Variants in MGAT5 observed in about 807,000 individuals in gnomAD.
The protein encoded by MGAT5 is alpha-1,6-mannosylglycoprotein 6-beta-N-acetylglucosaminyltransferase.
In MGAT5, 30 loss-of-function variants were observed where a neutral mutation model predicts 94.3. That is an observed-to-expected ratio of 0.32 (90% confidence interval 0.24 to 0.43). MGAT5 has a LOEUF of 0.43. Among genes scored for constraint, MGAT5 ranks in the 20% least tolerant of loss-of-function variants. The pLI, the probability that MGAT5 is intolerant of heterozygous loss-of-function variation, is 1.00. For synonymous variants in MGAT5, 310 were observed against 322.9 expected (o/e 0.96, Z 0.43); for missense variants, 691 against 905.5 (o/e 0.76, Z 3.04).
chr2:134,302,177 A>G (rs58894745), intron 2 of MGAT5, among the ~76,000 whole-genome samples: 2,650 of 152,310 alleles, frequency 0.017, 88 homozygotes, highest in African/African-American at 0.06. Context: ...GCATATTCCA[A>G]TAAGACTTTA....
intron 10 of MGAT5, among the ~76,000 whole-genome samples, chr2:134,384,885 G>A (rs1483944611): frequency 5.3e-5 from 8 of 152,082 alleles, no homozygotes; most frequent in Non-Finnish European, 1.0e-4. Flanking sequence ...CTTTAAAAAG[G>A]TCAAATTAGC....
intron 1 of MGAT5, among the ~76,000 whole-genome samples, chr2:134,158,887 C>T (rs2105052874): frequency 6.6e-6 from 1 of 152,306 alleles, no homozygotes; most frequent in Admixed American, 6.5e-5. Flanking sequence ...ACATGATAAC[C>T]ACTAGGCACA....
intron 15 of MGAT5, among the ~76,000 whole-genome samples, chr2:134,444,442 G>A (rs969327936): frequency 1.3e-5 from 2 of 152,102 alleles, no homozygotes; most frequent in South Asian, 2.1e-4. Flanking sequence ...CAATAAAGCC[G>A]TCTGATATTA....
At chr2:134,300,349 A>G (rs1573740150) in intron 2 of MGAT5, among the ~76,000 whole-genome samples, 1 of 152,186 alleles carries the variant, frequency 6.6e-6, no homozygotes, top group Non-Finnish European at 1.5e-5. Context: ...GCCTACAGAC[A>G]GGATTAGGAA....
rs1231267771 is a variant in MGAT5 at position 134,189,592 on chromosome 2, G to GTTTTTTTTTGTTT, written c.-142-64660_-142-64648dup. Reference sequence around the variant, plus strand: ...ACATATGACTAACCTCATGGCTCTAGTTTTTTTTTGTTTTTTTTTTTTTTT... The same window carrying GTTTTTTTTTGTTT: ...ACATATGACTAACCTCATGGCTCTAGTTTTTTTTTGTTTTTTTTTTTTGTTTTTTTTTTTTTTT... On this transcript the variant is annotated intron_variant, in intron 1 of 16. Transcript: ENST00000409645. Among the ~76,000 whole-genome samples, 3 of 56,300 alleles carry GTTTTTTTTTGTTT rather than the reference G, an allele frequency of 5.3e-5. No homozygotes were observed. In the East Asian group the frequency reaches 1.4e-3, roughly 27 times the overall value. 36.9% of individuals were successfully genotyped at this position (56,300 alleles called of 152,430 possible). A position where few individuals can be genotyped will look rare whatever the true frequency, so the allele number is the denominator to read the frequency against.
intron 15 of MGAT5, among the ~76,000 whole-genome samples, chr2:134,443,901 C>T (rs928056253): frequency 6.6e-6 from 1 of 152,136 alleles, no homozygotes; most frequent in Non-Finnish European, 1.5e-5. Context: ...GGAATGGGTC[C>T]AAATGGGACT....
At chr2:134,297,717 C>T (rs1685759606) in intron 2 of MGAT5, among the ~76,000 whole-genome samples, 1 of 152,048 alleles carries the variant, frequency 6.6e-6, no homozygotes, top group Non-Finnish European at 1.5e-5. Context: ...GAAAAACATA[C>T]AGGTTAACAT....
intron 15 of MGAT5, among the ~76,000 whole-genome samples, chr2:134,443,441 C>G (rs1017099617): frequency 1.1e-4 from 16 of 152,216 alleles, no homozygotes; most frequent in African/African-American, 3.4e-4. Flanking sequence ...ATCTGCCCGC[C>G]TAGGCCTCCC....
intron 1 of MGAT5, among the ~76,000 whole-genome samples, chr2:134,222,706 T>A (rs1680847198): frequency 6.6e-6 from 1 of 152,280 alleles, no homozygotes; most frequent in Non-Finnish European, 1.5e-5. Context: ...TTCTGCAGTG[T>A]TATTTTTTCC....
intron 2 of MGAT5, among the ~76,000 whole-genome samples, chr2:134,302,578 C>T (rs566101511): frequency 1.2e-4 from 18 of 152,160 alleles, no homozygotes; most frequent in African/African-American, 4.3e-4. Context: ...TTATTTCTTG[C>T]CATACAGGTC....
At chr2:134,343,631 T>C (rs966772626) in intron 7 of MGAT5, among the ~76,000 whole-genome samples, 1 of 152,150 alleles carries the variant, frequency 6.6e-6, no homozygotes, top group African/African-American at 2.4e-5. Flanking sequence ...TCACAACCCT[T>C]GGGGGTAGGA....
intron 11 of MGAT5, among the ~76,000 whole-genome samples, chr2:134,403,800 T>C (rs1683192435): frequency 6.6e-6 from 1 of 151,976 alleles, no homozygotes; most frequent in African/African-American, 2.4e-5. Context: ...GGAGGTAAAA[T>C]TGGATGAGGG....
chr2:134,250,432 C>G (rs1286212413), upstream of MGAT5, among the ~76,000 whole-genome samples: 1 of 152,178 alleles, frequency 6.6e-6, no homozygotes, highest in Non-Finnish European at 1.5e-5. Flanking sequence ...TCTAGGGCTT[C>G]CTCATTAATT....
At chr2:134,269,050 A>G (rs1487650813) in intron 1 of MGAT5, among the ~76,000 whole-genome samples, 1 of 152,292 alleles carries the variant, frequency 6.6e-6, no homozygotes, top group Non-Finnish European at 1.5e-5. Flanking sequence ...TTATCTGTAA[A>G]ACGGAGTCAC....
chr2:134,191,356 A>C (rs1281758384), intron 1 of MGAT5, among the ~76,000 whole-genome samples: 1 of 152,260 alleles, frequency 6.6e-6, no homozygotes, highest in African/African-American at 2.4e-5. Context: ...TAAGTCATGC[A>C]GACTCAACCC....
At chr2:134,153,683 G>A (rs1244757571) in intron 1 of MGAT5, among the ~76,000 whole-genome samples, 1 of 152,168 alleles carries the variant, frequency 6.6e-6, no homozygotes, top group East Asian at 1.9e-4. Flanking sequence ...TCTCGGAGGA[G>A]TTTTCTGTAT....
chr2:134,349,602 G>A (rs561309866), intron 8 of MGAT5, among the ~76,000 whole-genome samples: 4 of 152,198 alleles, frequency 2.6e-5, no homozygotes, highest in African/African-American at 9.7e-5. Context: ...CGTATCTGCT[G>A]TGTGATGTCT....
At chr2:134,163,161 G>T (rs1687814508) in intron 1 of MGAT5, among the ~76,000 whole-genome samples, 1 of 152,158 alleles carries the variant, frequency 6.6e-6, no homozygotes, top group Admixed American at 6.5e-5. Context: ...CAAGGGTAAG[G>T]TGGGCTTGGA....
At chr2:134,314,493 A>G (rs1444535572) in intron 2 of MGAT5, among the ~76,000 whole-genome samples, 1 of 152,170 alleles carries the variant, frequency 6.6e-6, no homozygotes, top group Non-Finnish European at 1.5e-5. Flanking sequence ...CTGGAGATCC[A>G]GCAGGAAGAC....
Sources: allele counts gnomAD v4.1 joint callset (sites outside exome capture counted in the v4.1 genomes callset), GRCh38; gene constraint gnomAD v4.1.1; transcripts MANE v1.5; gene names NCBI Gene and HGNC (gene_info 2026-07-23, HGNC 2026-07-21).